CDK14: variants seen among roughly 807,000 people sequenced by gnomAD.
The protein encoded by CDK14 is cyclin-dependent kinase 14.
A neutral mutation model predicts 60.7 loss-of-function variants in CDK14; 34 were observed. The ratio of observed to expected loss-of-function variants is 0.56; its 90% CI spans 0.43 to 0.75. The LOEUF is 0.75. Among genes scored for constraint, CDK14 ranks in the 30% least tolerant of loss-of-function variants. The pLI is 0.00. For synonymous variants in CDK14, 197 were observed against 203.7 expected (o/e 0.97, Z 0.28); for missense variants, 482 against 564.1 (o/e 0.85, Z 1.47).
Position 91,081,526 on chromosome 7 carries a change from T to C in CDK14, c.1154+2046T>C, listed in dbSNP as rs185287143. ...GGGTTAATATAAAAAAGTAGGTCACTGTTCAAAATTAAGTAACAATGCTTT... is the reference window on the plus strand; with the variant it reads ...GGGTTAATATAAAAAAGTAGGTCACCGTTCAAAATTAAGTAACAATGCTTT... On this transcript the variant is annotated intron_variant, in intron 12 of 14. Transcript: ENST00000380050. Among the ~76,000 whole-genome samples, 405 of 152,352 alleles carry C rather than the reference T, an allele frequency of 2.7e-3. 1 individual carries two copies. The highest frequency in any genetic ancestry group is 9.0e-3 in the African/African-American group (376 of 41,592).
chr7:90,683,539 A>G (rs2106131), intron 2 of CDK14, among the ~76,000 whole-genome samples: 128,420 of 152,224 alleles, frequency 0.84, 54,354 homozygotes, highest in East Asian at 1. Context: ...AGTGGCTCAC[A>G]CCTGTAATCC....
At chr7:90,894,239 G>C (rs1792227469) in intron 6 of CDK14, among the ~76,000 whole-genome samples, 1 of 152,070 alleles carries the variant, frequency 6.6e-6, no homozygotes, top group Admixed American at 6.6e-5. Flanking sequence ...AATTGAACTA[G>C]GATTGTCTTC....
At chr7:91,177,182 T>C (rs1438420279) in intron 14 of CDK14, among the ~76,000 whole-genome samples, 3 of 150,666 alleles carry the variant, frequency 2.0e-5, no homozygotes, top group East Asian at 1.9e-4. Context: ...TGTAATCCAG[T>C]ATATAAACAG....
intron 13 of CDK14, among the ~76,000 whole-genome samples, chr7:91,117,163 G>A (rs1009812683): frequency 6.0e-5 from 9 of 149,318 alleles, no homozygotes; most frequent in South Asian, 2.2e-4. Context: ...TAGTCTTACC[G>A]TTGTCAATAA....
At chr7:91,166,432 TATTA>T (rs749372038) in intron 14 of CDK14, among the ~76,000 whole-genome samples, 160 of 152,332 alleles carry the variant, frequency 1.1e-3, no homozygotes, top group African/African-American at 3.2e-3. Flanking sequence ...TTGAAGTGCC[TATTA>T]ATTAATTTTT....
chr7:91,027,098 G>T (rs1248004561), intron 10 of CDK14, among the ~76,000 whole-genome samples: 1 of 152,170 alleles, frequency 6.6e-6, no homozygotes, highest in Non-Finnish European at 1.5e-5. Context: ...TTCAGCATTA[G>T]TCTCTTAGCT....
chr7:91,028,503 A>G (rs1037091479), intron 10 of CDK14, among the ~76,000 whole-genome samples: 2 of 152,180 alleles, frequency 1.3e-5, no homozygotes, highest in Admixed American at 6.5e-5. Flanking sequence ...AGAAATCTCT[A>G]TACTGTATTC....
At chr7:90,920,868 T>C (rs1793227955) in intron 8 of CDK14, among the ~76,000 whole-genome samples, 1 of 152,210 alleles carries the variant, frequency 6.6e-6, no homozygotes. Context: ...CAGATGATAG[T>C]GAATTTGGAG....
At chr7:90,983,402 A>G (rs1795284758) in intron 9 of CDK14, among the ~76,000 whole-genome samples, 1 of 152,132 alleles carries the variant, frequency 6.6e-6, no homozygotes, top group Non-Finnish European at 1.5e-5. Flanking sequence ...AGTATTGGCC[A>G]TGTGCGGTGG....
chr7:90,785,786 CAA>C (rs34034860), intron 4 of CDK14, among the ~76,000 whole-genome samples: 1 of 45,972 alleles, frequency 2.2e-5, no homozygotes, highest in African/African-American at 8.7e-5. Flanking sequence ...GACTCCGTCT[CAA>C]AAAAAAAAAA....
At position 90,910,113 on chromosome 7, in the gene CDK14, A is replaced by T. The variant is rs190994758; in HGVS notation, c.703-7488A>T. On this transcript the variant is annotated intron_variant, in intron 7 of 14. Coordinates refer to ENST00000380050, the MANE Select transcript of CDK14 (RefSeq NM_001287135.2). ...ACTTAACACTGTCAAGTATGTCCAA[A>T]GTGACACATAAATTATACTGTAATG... 5.9e-5 allele frequency among the ~76,000 whole-genome samples: 9 copies of T among 152,346 alleles called. No homozygotes were observed. The East Asian group carries it at 1.5e-3, about 26-fold the overall frequency.
At chr7:90,782,047 G>A (rs558394787) in intron 4 of CDK14, among the ~76,000 whole-genome samples, 63 of 152,266 alleles carry the variant, frequency 4.1e-4, no homozygotes, top group African/African-American at 1.5e-3. Context: ...TCTTACCCAT[G>A]AGCATGGAAT....
chr7:90,689,506 A>G (rs989998588), intron 2 of CDK14, among the ~76,000 whole-genome samples: 1 of 152,076 alleles, frequency 6.6e-6, no homozygotes, highest in Admixed American at 6.6e-5. Flanking sequence ...AAAATGTTTA[A>G]TTGAACTGTG....
intron 8 of CDK14, among the ~76,000 whole-genome samples, chr7:90,918,541 G>A (rs1212313190): frequency 6.6e-6 from 1 of 152,228 alleles, no homozygotes; most frequent in African/African-American, 2.4e-5. Flanking sequence ...TCACATTAGA[G>A]ATTGTGTTGA....
chr7:90,997,431 G>A (rs1584213440), intron 10 of CDK14, among the ~76,000 whole-genome samples: 2 of 152,052 alleles, frequency 1.3e-5, no homozygotes. Flanking sequence ...AATTAAAGAT[G>A]GTTTTCCTTC....
intron 14 of CDK14, among the ~76,000 whole-genome samples, chr7:91,139,493 G>A (rs1305052293): frequency 1.3e-5 from 2 of 152,156 alleles, no homozygotes; most frequent in African/African-American, 2.4e-5. Flanking sequence ...GGTATCTCTT[G>A]GGAGGCAGTG....
intron 14 of CDK14, among the ~76,000 whole-genome samples, chr7:91,199,942 A>G (rs1472754686): frequency 6.6e-6 from 1 of 152,234 alleles, no homozygotes; most frequent in Non-Finnish European, 1.5e-5. Flanking sequence ...GGGAAGAAGC[A>G]TGATTATCAT....
At chr7:90,627,923 TTTTG>T (rs759197363) in intron 2 of CDK14, among the ~76,000 whole-genome samples, 7 of 152,156 alleles carry the variant, frequency 4.6e-5, no homozygotes, top group Admixed American at 1.3e-4. Context: ...TGTGAATGCT[TTTTG>T]TTTGTGATTT....
intron 2 of CDK14, among the ~76,000 whole-genome samples, chr7:90,634,241 C>T (rs1388898538): frequency 6.6e-6 from 1 of 150,590 alleles, no homozygotes; most frequent in Non-Finnish European, 1.5e-5. Context: ...CCCATTAACT[C>T]ATCATTTAGC....
Sources: allele counts gnomAD v4.1 joint callset (sites outside exome capture counted in the v4.1 genomes callset), GRCh38; gene constraint gnomAD v4.1.1; transcripts MANE v1.5; gene names NCBI Gene and HGNC (gene_info 2026-07-23, HGNC 2026-07-21).